The following MAPKAP1 variants were observed in gnomAD, a reference collection of about 807,000 sequenced individuals.
MAPKAP1 encodes target of rapamycin complex 2 subunit MAPKAP1.
Under a neutral mutation model 65.7 loss-of-function variants are expected in MAPKAP1, and 20 were observed. That is an observed-to-expected ratio of 0.30 (90% CI 0.21 to 0.44). The LOEUF (loss-of-function observed/expected upper bound fraction) is 0.44. Ranked by LOEUF, MAPKAP1 falls within the 20% of genes least tolerant of loss-of-function variation. The pLI, the probability that MAPKAP1 is intolerant of heterozygous loss-of-function variation, is 1.00. For missense variants in MAPKAP1, 423 were observed against 648.0 expected, an observed-to-expected ratio of 0.65 and a Z score of 3.77; for synonymous variants, 222 against 244.3, an observed-to-expected ratio of 0.91 and a Z score of 0.85.
At chr9:125,523,177 T>C (rs777772117) in intron 7 of MAPKAP1, among the ~76,000 whole-genome samples, 5 of 152,198 alleles carry the variant, frequency 3.3e-5, no homozygotes, top group Non-Finnish European at 7.3e-5. Flanking sequence ...TAACTGTCCT[T>C]GCTCCTGGCC....
intron 9 of MAPKAP1, among the ~76,000 whole-genome samples, chr9:125,480,181 G>A (rs1854257974): frequency 6.6e-6 from 1 of 152,118 alleles, no homozygotes; most frequent in African/African-American, 2.4e-5. Flanking sequence ...TTACATACCT[G>A]TGTAATCTAC....
At chr9:125,636,873 C>T (rs1345141148) in intron 4 of MAPKAP1, among the ~76,000 whole-genome samples, 1 of 152,206 alleles carries the variant, frequency 6.6e-6, no homozygotes, top group East Asian at 1.9e-4. Context: ...CCTAATCCAC[C>T]ACACTCACAC....
chr9:125,549,562 G>A (rs1287139465), intron 6 of MAPKAP1, among the ~76,000 whole-genome samples: 1 of 152,198 alleles, frequency 6.6e-6, no homozygotes, highest in Non-Finnish European at 1.5e-5. Context: ...AGCATGCGAT[G>A]TTTGACATTG....
intron 9 of MAPKAP1, among the ~76,000 whole-genome samples, chr9:125,479,656 C>T (rs1489074085): frequency 6.6e-6 from 1 of 152,076 alleles, no homozygotes; most frequent in Non-Finnish European, 1.5e-5. Flanking sequence ...GTCTCTCATC[C>T]CCTGACTTTC....
intron 4 of MAPKAP1, among the ~76,000 whole-genome samples, chr9:125,620,432 C>T (rs1005711069): frequency 3.3e-5 from 5 of 152,166 alleles, no homozygotes; most frequent in South Asian, 2.1e-4. Context: ...GGAGCAATCC[C>T]GAAGGAGACA....
At chr9:125,536,445 T>C (rs1830075028) in intron 7 of MAPKAP1, among the ~76,000 whole-genome samples, 1 of 152,140 alleles carries the variant, frequency 6.6e-6, no homozygotes, top group Non-Finnish European at 1.5e-5. Context: ...GGATATAGAG[T>C]GTCAGGTCTC....
intron 7 of MAPKAP1, among the ~76,000 whole-genome samples, chr9:125,542,734 T>C (rs1180478673): frequency 6.6e-6 from 1 of 152,184 alleles, no homozygotes; most frequent in Non-Finnish European, 1.5e-5. Flanking sequence ...TGATTCAAGT[T>C]TAGGACTGAT....
chr9:125,598,281 G>A (rs975510042), intron 4 of MAPKAP1, among the ~76,000 whole-genome samples: 5 of 152,076 alleles, frequency 3.3e-5, no homozygotes, highest in Admixed American at 1.3e-4. Context: ...CAATAAATCT[G>A]GAATGCTTAA....
chr9:125,669,403 C>T (rs889073049), intron 3 of MAPKAP1, among the ~76,000 whole-genome samples: 11 of 152,122 alleles, frequency 7.2e-5, no homozygotes, highest in South Asian at 2.1e-4. Flanking sequence ...TCGCTTGAAC[C>T]GGGGAGGCAG....
At chr9:125,669,486 AAAT>A (rs1394736970) in intron 3 of MAPKAP1, among the ~76,000 whole-genome samples, 2 of 152,218 alleles carry the variant, frequency 1.3e-5, no homozygotes, top group African/African-American at 4.8e-5. Context: ...ATCTCAAAAA[AAAT>A]AATAATAATA....
At chr9:125,687,476 G>C (rs1456531783) in intron 1 of MAPKAP1, among the ~76,000 whole-genome samples, 2 of 152,068 alleles carry the variant, frequency 1.3e-5, no homozygotes, top group Non-Finnish European at 2.9e-5. Flanking sequence ...CAGTGATGCT[G>C]CTATAAAACA....
chr9:125,462,167 G>C (rs937466217), intron 10 of MAPKAP1, among the ~76,000 whole-genome samples: 2 of 152,192 alleles, frequency 1.3e-5, no homozygotes, highest in African/African-American at 2.4e-5. Context: ...TGTCAAATAG[G>C]GAGAAAGAAA....
chr9:125,501,200 G>A (rs570857052), intron 8 of MAPKAP1, among the ~76,000 whole-genome samples: 1 of 152,316 alleles, frequency 6.6e-6, no homozygotes, highest in South Asian at 2.1e-4. Context: ...GAAGGAAAAT[G>A]AATTACCCAG....
intron 1 of MAPKAP1, among the ~76,000 whole-genome samples, chr9:125,699,359 C>A (rs540349973): frequency 2.6e-5 from 4 of 151,986 alleles, no homozygotes; most frequent in Non-Finnish European, 5.9e-5. Flanking sequence ...CAGGCACACA[C>A]CACCACACCA....
intron 7 of MAPKAP1, among the ~76,000 whole-genome samples, chr9:125,512,054 A>T (rs1165010551): frequency 6.6e-6 from 1 of 152,254 alleles, no homozygotes; most frequent in Non-Finnish European, 1.5e-5. Flanking sequence ...ACATCTCAGC[A>T]CATAAGTTTC....
At chr9:125,491,803 C>A (rs573696987) in intron 8 of MAPKAP1, among the ~76,000 whole-genome samples, 12 of 150,908 alleles carry the variant, frequency 8.0e-5, no homozygotes, top group South Asian at 2.1e-4. Flanking sequence ...CAAAAAAAAA[C>A]AAAAAAACAT....
chr9:125,509,896 C>T (rs1829250975), intron 7 of MAPKAP1, among the ~76,000 whole-genome samples: 1 of 152,102 alleles, frequency 6.6e-6, no homozygotes, highest in South Asian at 2.1e-4. Context: ...AACTCCCTGC[C>T]CCACTCTCAA....
At chr9:125,645,908 C>T (rs918451763) in intron 4 of MAPKAP1, among the ~76,000 whole-genome samples, 1 of 152,020 alleles carries the variant, frequency 6.6e-6, no homozygotes, top group African/African-American at 2.4e-5. Flanking sequence ...GGCAGAGTTC[C>T]GATCATGTAA....
At chr9:125,523,776 G>A (rs952985414) in intron 7 of MAPKAP1, among the ~76,000 whole-genome samples, 14 of 152,158 alleles carry the variant, frequency 9.2e-5, no homozygotes, top group Non-Finnish European at 1.6e-4. Context: ...TGTGGCTCTT[G>A]GTACGGCCAC....
Sources: gnomAD v4.1 joint callset for allele counts (sites outside exome capture counted in the v4.1 genomes callset) on GRCh38, gnomAD v4.1.1 for gene constraint, MANE v1.5 for transcripts, NCBI Gene and HGNC (gene_info 2026-07-23, HGNC 2026-07-21) for gene names.